PIGN: variants seen among roughly 807,000 people sequenced by gnomAD.
PIGN encodes GPI ethanolamine phosphate transferase 1.
Under a neutral mutation model 125.4 loss-of-function variants are expected in PIGN, and 117 were observed. That is an observed-to-expected ratio of 0.93 (90% confidence interval 0.80 to 1.09). The LOEUF is 1.09. Ranked by LOEUF, PIGN falls within the 50% of genes least tolerant of loss-of-function variation. The pLI is 0.00. For synonymous variants in PIGN, 392 were observed against 377.8 expected, an observed-to-expected ratio of 1.04 and a Z score of -0.44; for missense variants, 1,075 against 1,094.9, an observed-to-expected ratio of 0.98 and a Z score of 0.26.
intron 23 of PIGN, among the ~76,000 whole-genome samples, chr18:62,023,616 C>G (rs540048801): frequency 6.6e-6 from 1 of 152,336 alleles, no homozygotes; most frequent in South Asian, 2.1e-4. Context: ...ACTCAATTTA[C>G]ATTTGATTCA....
Position 62,045,179 on chromosome 18 carries a change from AC to A in PIGN, c.*676del. The A allele has an allele frequency of 1.3e-5, 2 of 152,220 alleles. No individual in the cohort carries two copies. Among genetic ancestry groups the A allele is most frequent in the East Asian group, 3.9e-4 (2 of 5,184 alleles). 9.4% of individuals were successfully genotyped at this position (152,220 alleles called of 1,614,324 possible). ...AAGACAGAAATACCAAGCACTTTCTACTTTTGTGTTGTCAGAAATCCCAGGA... is the reference window on the plus strand; with the variant it reads ...AAGACAGAAATACCAAGCACTTTCTATTTTGTGTTGTCAGAAATCCCAGGA... On this transcript the variant is annotated 3_prime_UTR_variant, in exon 31 of 31. Transcript: ENST00000640252.
At chr18:62,152,869 T>TA (rs1491326538) in intron 7 of PIGN, among the ~76,000 whole-genome samples, 354 of 11,580 alleles carry the variant, frequency 0.031, 1 homozygote, top group Admixed American at 0.043. Flanking sequence ...TATATATATA[T>TA]TTTTTTTTTT....
chr18:62,133,669 AT>A (rs1341260816), intron 14 of PIGN, among the ~76,000 whole-genome samples: 1 of 152,072 alleles, frequency 6.6e-6, no homozygotes, highest in Non-Finnish European at 1.5e-5. Context: ...TACAATATAC[AT>A]TTCTCATTAT....
At chr18:62,100,337 G>A (rs1366683241) in intron 22 of PIGN, among the ~76,000 whole-genome samples, 1 of 152,194 alleles carries the variant, frequency 6.6e-6, no homozygotes, top group East Asian at 1.9e-4. Context: ...CAATGATGTG[G>A]GGAAGGGGGA....
At chr18:62,069,688 T>C (rs1240736101) in intron 30 of PIGN, 1 of 152,222 alleles carries the variant, frequency 6.6e-6, no homozygotes, top group Non-Finnish European at 1.5e-5. Flanking sequence ...CAGGGGCTGA[T>C]GAGCGGGAGA....
chr18:62,113,064 A>G lies in PIGN; in HGVS notation c.1434+70T>C, dbSNP rs1322399425. ...GAACAATGACTTGCACATCCTATAA[A>G]CTCATTACACTGGATTCAGTACTAG... is the stretch of plus-strand genomic sequence containing the variant. On this transcript the variant is annotated intron_variant, in intron 16 of 30. Transcript: ENST00000640252. 7 of 1,178,106 alleles carry G rather than the reference A, an allele frequency of 5.9e-6. No homozygotes were observed. In the East Asian group the frequency reaches 1.3e-4, roughly 21 times the overall value. 73.0% of individuals were successfully genotyped at this position (1,178,106 alleles called of 1,614,324 possible).
At chr18:62,047,126 C>T (rs574140286) in intron 30 of PIGN, among the ~76,000 whole-genome samples, 305 of 152,376 alleles carry the variant, frequency 2.0e-3, no homozygotes, top group African/African-American at 7.0e-3. Flanking sequence ...AACTGATCTA[C>T]TTCAGCCAAA....
At chr18:62,093,528 G>A (rs2034055987) in intron 23 of PIGN, among the ~76,000 whole-genome samples, 1 of 152,030 alleles carries the variant, frequency 6.6e-6, no homozygotes, top group Non-Finnish European at 1.5e-5. Context: ...AGTTTGCTAA[G>A]CAAAGGAATA....
intron 1 of PIGN, among the ~76,000 whole-genome samples, chr18:62,169,000 C>T (rs970532224): frequency 8.6e-5 from 13 of 151,892 alleles, no homozygotes; most frequent in African/African-American, 2.9e-4. Flanking sequence ...GGACTACAGA[C>T]GTGTACCACC....
chr18:62,108,405 C>A (rs1335876094), intron 17 of PIGN, among the ~76,000 whole-genome samples: 2 of 151,870 alleles, frequency 1.3e-5, no homozygotes, highest in African/African-American at 4.8e-5. Context: ...AAGACAAAAC[C>A]TTTTGTTCTA....
At chr18:62,125,488 G>A (rs1047203068) in intron 14 of PIGN, among the ~76,000 whole-genome samples, 7 of 151,974 alleles carry the variant, frequency 4.6e-5, no homozygotes, top group East Asian at 1.9e-4. Flanking sequence ...ATCCTAGGAT[G>A]AATACCTTGG....
At chr18:62,130,281 A>G (rs1430366193) in intron 14 of PIGN, among the ~76,000 whole-genome samples, 1 of 152,188 alleles carries the variant, frequency 6.6e-6, no homozygotes, top group African/African-American at 2.4e-5. Flanking sequence ...AAACTAATAT[A>G]TCTTCCTATC....
At chr18:62,114,483 C>G (rs1803505233) in intron 15 of PIGN, 78 bp downstream of exon 15, 2 of 849,462 alleles carry the variant, frequency 2.4e-6, no homozygotes, top group Non-Finnish European at 2.0e-6. Context: ...CCTGGCCTGC[C>G]TACTTTGCTC....
At chr18:62,141,622 C>T (rs2036138447) in intron 11 of PIGN, among the ~76,000 whole-genome samples, 1 of 152,226 alleles carries the variant, frequency 6.6e-6, no homozygotes, top group African/African-American at 2.4e-5. Context: ...TTCCTAGTCA[C>T]CTTTTCCTTT....
chr18:62,103,700 A>G (rs2034533317), intron 20 of PIGN: 2 of 152,254 alleles, frequency 1.3e-5, no homozygotes, highest in South Asian at 4.1e-4. Context: ...AAGAAAGAGC[A>G]AAAAGCAGAG....
At chr18:62,064,960 T>A in intron 30 of PIGN, among the ~76,000 whole-genome samples, 1 of 151,340 alleles carries the variant, frequency 6.6e-6, no homozygotes, top group Non-Finnish European at 1.5e-5. Flanking sequence ...AGAAAAATGG[T>A]GAGTCTTTAA....
intron 23 of PIGN, among the ~76,000 whole-genome samples, chr18:62,030,065 G>C (rs192822334): frequency 6.6e-6 from 1 of 152,290 alleles, no homozygotes; most frequent in East Asian, 1.9e-4. Flanking sequence ...GTCAGCCTCC[G>C]AGGCCCTGGA....
chr18:62,055,346 C>A (rs1448063094), intron 30 of PIGN, among the ~76,000 whole-genome samples: 1 of 152,146 alleles, frequency 6.6e-6, no homozygotes, highest in African/African-American at 2.4e-5. Context: ...AAATACGCAA[C>A]AATGAATCAC....
At chr18:62,163,241 T>C (rs571875372) in intron 2 of PIGN, among the ~76,000 whole-genome samples, 1 of 152,284 alleles carries the variant, frequency 6.6e-6, no homozygotes, top group South Asian at 2.1e-4. Context: ...AGACCTTTTC[T>C]ACTCTAGAAA....
Sources: gnomAD v4.1 joint callset for allele counts (sites outside exome capture counted in the v4.1 genomes callset) on GRCh38, gnomAD v4.1.1 for gene constraint, MANE v1.5 for transcripts, NCBI Gene and HGNC (gene_info 2026-07-23, HGNC 2026-07-21) for gene names.